PCDHA2: variants seen among roughly 807,000 people sequenced by gnomAD.
The protein encoded by PCDHA2 is protocadherin alpha-2.
A neutral mutation model predicts 66.0 loss-of-function variants in PCDHA2; 58 were observed. The observed-to-expected ratio is 0.88, with a 90% CI of 0.71 to 1.09. PCDHA2 has a LOEUF of 1.09. Ranked by LOEUF, PCDHA2 falls within the 50% of genes least tolerant of loss-of-function variation. The pLI is 0.00. For synonymous variants in PCDHA2, 634 were observed against 554.0 expected, an observed-to-expected ratio of 1.14 and a Z score of -2.03; for missense variants, 1,267 against 1,242.3, an observed-to-expected ratio of 1.02 and a Z score of -0.30.
chr5:140,934,103 T>C (rs1400037088), intron 1 of PCDHA2, among the ~76,000 whole-genome samples: 1 of 152,148 alleles, frequency 6.6e-6, no homozygotes, highest in Non-Finnish European at 1.5e-5. Context: ...TGCTTTCTAT[T>C]TTATTAATTT....
chr5:140,885,670 C>T (rs1351720729), intron 1 of PCDHA2, among the ~76,000 whole-genome samples: 2 of 152,138 alleles, frequency 1.3e-5, no homozygotes, highest in African/African-American at 4.8e-5. Flanking sequence ...TATGAGCACT[C>T]TTTCTATCTC....
intron 1 of PCDHA2, chr5:140,857,650 G>C (rs1212312396): frequency 6.3e-7 from 1 of 1,596,628 alleles, no homozygotes; most frequent in Non-Finnish European, 8.6e-7. Flanking sequence ...AGTTCCAGGT[G>C]AGCGCGCGCG....
chr5:140,877,298 A>C, intron 1 of PCDHA2: 1 of 1,613,870 alleles, frequency 6.2e-7, no homozygotes. Flanking sequence ...TGGCTGTCCT[A>C]CGAGTTGCAA....
At chr5:140,887,928 A>G (rs1345223604) in intron 1 of PCDHA2, among the ~76,000 whole-genome samples, 1 of 152,138 alleles carries the variant, frequency 6.6e-6, no homozygotes, top group Non-Finnish European at 1.5e-5. Flanking sequence ...TTCAGAGACC[A>G]TATTTATTTC....
intron 1 of PCDHA2, chr5:140,966,382 G>C (rs1188243032): frequency 5.0e-6 from 2 of 403,766 alleles, no homozygotes; most frequent in Non-Finnish European, 4.3e-6. Flanking sequence ...GTCCGGGTTC[G>C]CTGTCCGCCA....
intron 1 of PCDHA2, chr5:140,843,377 G>C (rs375387773): frequency 1.3e-6 from 2 of 1,596,146 alleles, no homozygotes; most frequent in Non-Finnish European, 1.7e-6. Flanking sequence ...GTCGGCTGGC[G>C]TTTTGGGTCC....
Position 140,796,767 on chromosome 5 carries a change from A to C in PCDHA2, c.1803A>C (p.Ser601=), listed in dbSNP as rs781935896. 4.3e-6 allele frequency: 7 copies of C among 1,614,026 alleles called. No individual in the cohort carries two copies. The highest frequency in any genetic ancestry group is 2.2e-5 in the East Asian group (1 of 44,886). Residue 601 remains serine, a synonymous_variant, in exon 1 of 4, where the codon TCA becomes TCC. Coordinates refer to ENST00000526136, the MANE Select transcript of PCDHA2 (RefSeq NM_018905.3). ...VAKVRAVDAD[S]GYNAWLSYEL... The stretch of plus-strand genomic sequence containing the variant: ...AGGTGCGCGCAGTGGACGCTGACTC[A>C]GGCTACAACGCGTGGCTTTCGTACG...
At chr5:140,881,224 A>G (rs1254771945) in intron 1 of PCDHA2, 1 of 264,386 alleles carries the variant, frequency 3.8e-6, no homozygotes, top group Non-Finnish European at 5.9e-6. Context: ...TTCTTGGAAA[A>G]TTAAAGTCAA....
At chr5:140,821,568 C>A (rs1223183391) in intron 1 of PCDHA2, 4 of 542,134 alleles carry the variant, frequency 7.4e-6, no homozygotes, top group Non-Finnish European at 1.3e-5. Flanking sequence ...CGCTGGACAC[C>A]GGAAGGTTTT....
At chr5:140,840,905 T>C (rs1776936709) in intron 1 of PCDHA2, among the ~76,000 whole-genome samples, 1 of 151,998 alleles carries the variant, frequency 6.6e-6, no homozygotes, top group Non-Finnish European at 1.5e-5. Flanking sequence ...ATACAGGTCA[T>C]ACTTAAATTT....
intron 1 of PCDHA2, chr5:140,855,912 G>C: frequency 1.7e-6 from 2 of 1,172,642 alleles, no homozygotes; most frequent in Non-Finnish European, 2.4e-6. Flanking sequence ...GTTTCTCAAG[G>C]ACTAGGAAGT....
At chr5:140,969,821 T>C (rs1358078633) in intron 1 of PCDHA2, among the ~76,000 whole-genome samples, 3 of 152,250 alleles carry the variant, frequency 2.0e-5, no homozygotes, top group Non-Finnish European at 4.4e-5. Flanking sequence ...TACTCTGGAC[T>C]GTCTACAGTG....
intron 1 of PCDHA2, chr5:140,835,759 A>T: frequency 6.2e-7 from 1 of 1,613,356 alleles, no homozygotes; most frequent in South Asian, 1.1e-5. Context: ...GCGCAGCCCG[A>T]GTATACGGTG....
At chr5:140,928,718 T>C in intron 1 of PCDHA2, 1 of 1,614,174 alleles carries the variant, frequency 6.2e-7, no homozygotes, top group East Asian at 2.2e-5. Context: ...TCTAGTCTCT[T>C]TAGAATTTCA....
At chr5:140,887,955 CT>C (rs2061644555) in intron 1 of PCDHA2, among the ~76,000 whole-genome samples, 1 of 152,088 alleles carries the variant, frequency 6.6e-6, no homozygotes, top group Non-Finnish European at 1.5e-5. Flanking sequence ...GTATAAGATT[CT>C]TTTTGTCTCT....
chr5:141,000,421 A>ATTTTTTTTTTTTT (rs34755515), intron 3 of PCDHA2, among the ~76,000 whole-genome samples: 1 of 27,968 alleles, frequency 3.6e-5, no homozygotes, highest in African/African-American at 1.8e-4. Flanking sequence ...ATATATATAT[A>ATTTTTTTTTTTTT]TTTTTTTTTT....
chr5:140,822,687 C>T (rs2150118537), intron 1 of PCDHA2: 1 of 1,608,794 alleles, frequency 6.2e-7, no homozygotes, highest in African/African-American at 1.3e-5. Flanking sequence ...TAAAAGTTAA[C>T]GGGGAACTGG....
At chr5:141,002,807 C>T (rs1297773193) in intron 3 of PCDHA2, among the ~76,000 whole-genome samples, 1 of 152,152 alleles carries the variant, frequency 6.6e-6, no homozygotes, top group Non-Finnish European at 1.5e-5. Flanking sequence ...GAAACTGAGG[C>T]TCAGAGATAT....
At chr5:140,836,493 A>G in intron 1 of PCDHA2, 1 of 1,613,850 alleles carries the variant, frequency 6.2e-7, no homozygotes, top group Non-Finnish European at 8.5e-7. Flanking sequence ...GATCATCGCC[A>G]TCTGCGCGGT....
Sources: allele counts gnomAD v4.1 joint callset (sites outside exome capture counted in the v4.1 genomes callset), GRCh38; gene constraint gnomAD v4.1.1; transcripts MANE v1.5; gene names NCBI Gene and HGNC (gene_info 2026-07-23, HGNC 2026-07-21).